The following FNDC3B variants were observed in gnomAD, a reference collection of about 807,000 sequenced individuals.
The protein encoded by FNDC3B is fibronectin type III domain-containing protein 3B.
FNDC3B carries 12 observed loss-of-function variants against 151.5 expected under a neutral mutation model. That is an observed-to-expected ratio of 0.08 (90% CI 0.05 to 0.13). The LOEUF is 0.13. Among genes scored for constraint, FNDC3B ranks in the 10% least tolerant of loss-of-function variants. FNDC3B has a pLI of 1.00. For synonymous variants in FNDC3B, 528 were observed against 549.0 expected, an observed-to-expected ratio of 0.96 and a Z score of 0.54; for missense variants, 1,214 against 1,505.3, an observed-to-expected ratio of 0.81 and a Z score of 3.20.
intron 1 of FNDC3B, among the ~76,000 whole-genome samples, chr3:172,085,692 T>G (rs1223066009): frequency 6.6e-6 from 1 of 152,238 alleles, no homozygotes; most frequent in Non-Finnish European, 1.5e-5. Context: ...AGGTCTAGAC[T>G]TTTTATGATT....
chr3:172,091,661 G>A (rs1199778000), intron 1 of FNDC3B, among the ~76,000 whole-genome samples: 2 of 152,126 alleles, frequency 1.3e-5, no homozygotes, highest in African/African-American at 2.4e-5. Context: ...CACTGCAGTT[G>A]CTAAACATAT....
At chr3:172,195,678 AG>A (rs1280987926) in intron 3 of FNDC3B, among the ~76,000 whole-genome samples, 2 of 152,370 alleles carry the variant, frequency 1.3e-5, no homozygotes, top group Middle Eastern at 3.4e-3. Flanking sequence ...ACAATGCAGA[AG>A]GGGTCATTCC....
At position 172,040,891 on chromosome 3, in the gene FNDC3B, C is replaced by T. The variant is rs1282630312; in HGVS notation, c.-29+1120C>T. Among the ~76,000 whole-genome samples the T allele has an allele frequency of 6.6e-6, 1 of 152,248 alleles. No homozygotes were observed. The highest frequency in any genetic ancestry group is 2.1e-4 in the South Asian group (1 of 4,832). On this transcript the variant is annotated intron_variant, in intron 1 of 25. Coordinates refer to ENST00000415807, the MANE Select transcript of FNDC3B (RefSeq NM_022763.4). The surrounding 1 kb of genome is among the most constrained non-coding windows in gnomAD (Gnocchi z 6.6). ...GTCTCGGGAGACTGGGCTGCGCCGC[C>T]CGGCGGCGCCTTTGGCGGGGAGGCT...
chr3:172,302,637 A>G (rs1239709458), intron 9 of FNDC3B: 2 of 152,198 alleles, frequency 1.3e-5, no homozygotes, highest in East Asian at 3.8e-4. Flanking sequence ...TGATGCATAC[A>G]TTGATTAGCA....
intron 1 of FNDC3B, among the ~76,000 whole-genome samples, chr3:172,112,103 T>G (rs1720005866): frequency 6.6e-6 from 1 of 152,266 alleles, no homozygotes; most frequent in South Asian, 2.1e-4. Context: ...GGCTTTGTGT[T>G]ATTTTGAAAA....
rs1372131188 is a variant in FNDC3B at position 172,398,912 on chromosome 3, A to G, written c.*1437A>G. The G allele has an allele frequency of 6.5e-6, 1 of 152,698 alleles. No homozygotes were observed. Among genetic ancestry groups the G allele is most frequent in the South Asian group, 2.1e-4 (1 of 4,834 alleles). The allele number at this position is 152,698 out of a possible 1,614,324, so 9.5% of individuals were successfully genotyped here. On this transcript the variant is annotated 3_prime_UTR_variant, in exon 26 of 26. Coordinates refer to ENST00000415807, the MANE Select transcript of FNDC3B (RefSeq NM_022763.4). ...TCATTGGATTATTTATATGAAGTCC[A>G]TAATGTTCGAGTACCTCAGGGACAT... is the stretch of plus-strand genomic sequence containing the variant.
At chr3:172,318,418 G>T (rs1482091178) in intron 11 of FNDC3B, among the ~76,000 whole-genome samples, 1 of 152,210 alleles carries the variant, frequency 6.6e-6, no homozygotes, top group Non-Finnish European at 1.5e-5. Flanking sequence ...CCCCGTAGAA[G>T]ATAATCAGTA....
intron 23 of FNDC3B, among the ~76,000 whole-genome samples, chr3:172,365,726 G>A (rs1177538294): frequency 6.6e-6 from 1 of 152,170 alleles, no homozygotes; most frequent in Non-Finnish European, 1.5e-5. Flanking sequence ...CAGGCATTGT[G>A]GGCCTTTGAA....
chr3:172,198,176 G>A (rs536173084), intron 3 of FNDC3B, among the ~76,000 whole-genome samples: 18 of 152,002 alleles, frequency 1.2e-4, no homozygotes, highest in African/African-American at 4.1e-4. Context: ...TATTCATCTT[G>A]TACTTTTCCT....
intron 3 of FNDC3B, among the ~76,000 whole-genome samples, chr3:172,163,575 C>A (rs971660431): frequency 2.6e-5 from 4 of 152,266 alleles, no homozygotes; most frequent in Admixed American, 6.5e-5. Flanking sequence ...TTTTGAACTT[C>A]ACATAAATGG....
intron 1 of FNDC3B, among the ~76,000 whole-genome samples, chr3:172,103,900 C>T (rs779638605): frequency 1.3e-5 from 2 of 152,158 alleles, no homozygotes; most frequent in East Asian, 3.8e-4. Context: ...AGGTACTGCT[C>T]ATGTCTCAAG....
chr3:172,333,180 G>A lies in FNDC3B; in HGVS notation c.1641+5G>A. 1.3e-6 allele frequency: 2 copies of A among 1,579,270 alleles called. No homozygotes were observed. Among genetic ancestry groups the A allele is most frequent in the Middle Eastern group, 1.7e-4 (1 of 6,006 alleles). On this transcript the variant is annotated splice_donor_5th_base_variant and intron_variant, in intron 14 of 25. Transcript: ENST00000415807. ...AGCACACAGTATAAATTCAGGGTGA[G>A]TCAGTCATTTTGCTACCTGAACTGC...
chr3:172,226,759 C>A (rs1416186017), intron 3 of FNDC3B, 112 bp from the exon 4 acceptor site: 4 of 680,842 alleles, frequency 5.9e-6, no homozygotes, highest in Non-Finnish European at 5.1e-6. Context: ...TTTTGAAGAG[C>A]AAATTGTCAA....
At chr3:172,338,643 A>G (rs562879827) in intron 16 of FNDC3B, among the ~76,000 whole-genome samples, 1 of 152,230 alleles carries the variant, frequency 6.6e-6, no homozygotes, top group Non-Finnish European at 1.5e-5. Flanking sequence ...TTAGACTTTA[A>G]TAGAGAAAAG....
At chr3:172,316,047 G>T (rs1327963790) in intron 11 of FNDC3B, among the ~76,000 whole-genome samples, 16 of 79,440 alleles carry the variant, frequency 2.0e-4, no homozygotes, top group African/African-American at 6.0e-4. Context: ...TACTCTTGTT[G>T]CCCAGGCTGG....
intron 21 of FNDC3B, among the ~76,000 whole-genome samples, chr3:172,350,227 T>C (rs999748314): frequency 2.0e-5 from 3 of 152,232 alleles, no homozygotes; most frequent in Non-Finnish European, 2.9e-5. Flanking sequence ...CGATTTAATC[T>C]TTACTGTAAT....
At chr3:172,346,948 C>T (rs969302193) in intron 20 of FNDC3B, among the ~76,000 whole-genome samples, 1 of 152,156 alleles carries the variant, frequency 6.6e-6, no homozygotes, top group Non-Finnish European at 1.5e-5. Flanking sequence ...AGGCAATCCA[C>T]CCACCTCAGC....
chr3:172,088,509 AT>A (rs1296292180), intron 1 of FNDC3B, among the ~76,000 whole-genome samples: 2 of 152,210 alleles, frequency 1.3e-5, no homozygotes, highest in African/African-American at 4.8e-5. Context: ...CATACATCAA[AT>A]CACACAAGTC....
At chr3:172,195,994 T>C (rs1314901805) in intron 3 of FNDC3B, among the ~76,000 whole-genome samples, 1 of 152,236 alleles carries the variant, frequency 6.6e-6, no homozygotes, top group Non-Finnish European at 1.5e-5. Flanking sequence ...TTTCTGGCAC[T>C]TAATGTGAGC....
Sources: allele counts gnomAD v4.1 joint callset (sites outside exome capture counted in the v4.1 genomes callset), GRCh38; gene constraint gnomAD v4.1.1; non-coding constraint Gnocchi (gnomAD v3.1); transcripts MANE v1.5; gene names NCBI Gene and HGNC (gene_info 2026-07-23, HGNC 2026-07-21).